The following GPRASP3 variants were observed in gnomAD, a reference collection of about 807,000 sequenced individuals.
The protein encoded by GPRASP3 is G protein-coupled receptor associated sorting protein family member 3, also known as G protein-coupled receptor associated sorting protein 3.
At chrX:102,740,422 T>C in the GPRASP3 span, among the ~76,000 whole-genome samples, 5 of 112,180 alleles carry the variant, frequency 4.5e-5, no homozygotes, top group African/African-American at 1.6e-4. Context: ...CTTCCACTAG[T>C]CTGCAAGAAC....
At chrX:102,731,032 A>G in the GPRASP3 span, among the ~76,000 whole-genome samples, 1 of 112,839 alleles carries the variant, frequency 8.9e-6, no homozygotes, top group Non-Finnish European at 1.9e-5. Context: ...GAAAGAAAAC[A>G]GTGAATTTGG....
the GPRASP3 span, among the ~76,000 whole-genome samples, chrX:102,721,645 G>A: frequency 9.0e-6 from 1 of 111,219 alleles, no homozygotes; most frequent in Non-Finnish European, 1.9e-5. Context: ...GCCCCATGCA[G>A]CAGGATCTCA....
chrX:102,726,249 A>T, the GPRASP3 span, among the ~76,000 whole-genome samples: 1 of 112,209 alleles, frequency 8.9e-6, no homozygotes, highest in Non-Finnish European at 1.9e-5. Context: ...AGGAGGTGAC[A>T]TTCCCACCTT....
At chrX:102,742,431 G>A in the GPRASP3 span, among the ~76,000 whole-genome samples, 3 of 112,228 alleles carry the variant, frequency 2.7e-5, no homozygotes, top group East Asian at 5.6e-4. Context: ...CACAGCCTCC[G>A]GCTGCAAGAG....
At chrX:102,747,145 T>C in the GPRASP3 span, among the ~76,000 whole-genome samples, 1 of 112,074 alleles carries the variant, frequency 8.9e-6, no homozygotes, top group South Asian at 3.8e-4. Flanking sequence ...GCAGAAATAG[T>C]CCCACAGAAG....
the GPRASP3 span, among the ~76,000 whole-genome samples, chrX:102,731,761 C>T: frequency 1.8e-5 from 2 of 111,916 alleles, no homozygotes; most frequent in Non-Finnish European, 3.8e-5. Flanking sequence ...GTTCCTTTCC[C>T]GTGATTCCTC....
At chrX:102,753,300 T>C in the GPRASP3 span, 4 of 123,900 alleles carry the variant, frequency 3.2e-5, no homozygotes, top group African/African-American at 6.4e-5. Context: ...CCATATCATG[T>C]GTCTCACTAT....
At chrX:102,751,697 G>C in the GPRASP3 span, 1 of 123,287 alleles carries the variant, frequency 8.1e-6, no homozygotes, top group Non-Finnish European at 1.9e-5. Context: ...GCTACATCTG[G>C]CTGGAGGTCA....
chrX:102,721,903 G>C, the GPRASP3 span, among the ~76,000 whole-genome samples: 1 of 111,213 alleles, frequency 9.0e-6, no homozygotes, highest in Non-Finnish European at 1.9e-5. Context: ...CTTTCACATC[G>C]AGTATCCTCC....
At chrX:102,722,085 G>A in the GPRASP3 span, among the ~76,000 whole-genome samples, 1 of 111,817 alleles carries the variant, frequency 8.9e-6, no homozygotes, top group Admixed American at 9.5e-5. Flanking sequence ...ACTACCCAGA[G>A]TTAGTGCAGA....
chrX:102,743,520 C>A, the GPRASP3 span, among the ~76,000 whole-genome samples: 1 of 110,945 alleles, frequency 9.0e-6, no homozygotes, highest in African/African-American at 3.3e-5. Flanking sequence ...ATTTATGTAA[C>A]CGCCCGATGG....
the GPRASP3 span, among the ~76,000 whole-genome samples, chrX:102,729,330 C>G: frequency 1.8e-5 from 2 of 111,869 alleles, no homozygotes; most frequent in East Asian, 5.6e-4. Flanking sequence ...TTTCTAGTCT[C>G]ATGTAAGGGA....
At chrX:102,728,856 GAACA>G in the GPRASP3 span, among the ~76,000 whole-genome samples, 462 of 111,456 alleles carry the variant, frequency 4.1e-3, 1 homozygote, top group African/African-American at 0.014. Flanking sequence ...AAAAAAATCT[GAACA>G]AACAGAATCA....
the GPRASP3 span, chrX:102,748,010 C>T: frequency 8.9e-6 from 1 of 112,055 alleles, no homozygotes; most frequent in Non-Finnish European, 1.9e-5. Flanking sequence ...TGTCTTCCAT[C>T]TTTCTAGTCA....
At chrX:102,725,569 C>G in the GPRASP3 span, among the ~76,000 whole-genome samples, 2 of 107,682 alleles carry the variant, frequency 1.9e-5, no homozygotes, top group Non-Finnish European at 3.9e-5. Context: ...CTTCGTCACC[C>G]AGGCTGGAGT....
At chrX:102,751,077 C>T in the GPRASP3 span, 2 of 126,857 alleles carry the variant, frequency 1.6e-5, no homozygotes, top group African/African-American at 6.4e-5. Context: ...GCGCACTCTA[C>T]ATAAAGGAGG....
the GPRASP3 span, among the ~76,000 whole-genome samples, chrX:102,743,697 T>C: frequency 2.8e-5 from 3 of 106,291 alleles, no homozygotes; most frequent in Admixed American, 3.1e-4. Context: ...CAAAGGTAGT[T>C]TGGGGGAAAT....
chrX:102,737,011 G>C, the GPRASP3 span, among the ~76,000 whole-genome samples: 2 of 111,580 alleles, frequency 1.8e-5, no homozygotes, highest in Non-Finnish European at 3.8e-5. Flanking sequence ...TTTTCCCAAG[G>C]AGTCCCAAGC....
chrX:102,750,728 CACAGAGTCACCTGTG>C, the GPRASP3 span: 5 of 747,746 alleles, frequency 6.7e-6, no homozygotes, highest in South Asian at 2.5e-4. Flanking sequence ...GCATCTTTAA[CACAGAGTCACCTGTG>C]ACAGGCTCTA....
Sources: allele counts gnomAD v4.1 joint callset (sites outside exome capture counted in the v4.1 genomes callset), GRCh38; gene constraint gnomAD v4.1.1; transcripts MANE v1.5; gene names NCBI Gene and HGNC (gene_info 2026-07-23, HGNC 2026-07-21).